Variants in CNTNAP2 observed in about 807,000 individuals in gnomAD.
CNTNAP2 encodes contactin associated protein 2, also known as contactin-associated protein-like 2.
CNTNAP2 carries 98 observed loss-of-function variants against 155.2 expected under a neutral mutation model. That is an observed-to-expected ratio of 0.63 (90% CI 0.54 to 0.75). CNTNAP2 has a LOEUF of 0.75. Ranked by LOEUF, CNTNAP2 falls within the 30% of genes least tolerant of loss-of-function variation. The pLI, the probability that CNTNAP2 is intolerant of heterozygous loss-of-function variation, is 0.00. For synonymous variants in CNTNAP2, 651 were observed against 631.2 expected (o/e 1.03, Z -0.47); for missense variants, 1,727 against 1,688.1 (o/e 1.02, Z -0.40).
intron 3 of CNTNAP2, among the ~76,000 whole-genome samples, chr7:146,930,292 A>T (rs865782833): frequency 4.2e-4 from 64 of 152,020 alleles, no homozygotes; most frequent in South Asian, 6.3e-4. Context: ...TGCAACATTC[A>T]TAAAGAAAAG....
At chr7:146,717,427 T>C (rs1229868076) in intron 1 of CNTNAP2, among the ~76,000 whole-genome samples, 2 of 151,422 alleles carry the variant, frequency 1.3e-5, no homozygotes, top group African/African-American at 4.8e-5. Flanking sequence ...GCATGGAGAA[T>C]TGCTTGAACC....
chr7:148,096,053 A>G (rs965336087), intron 15 of CNTNAP2, among the ~76,000 whole-genome samples: 2 of 152,236 alleles, frequency 1.3e-5, no homozygotes, highest in Non-Finnish European at 2.9e-5. Context: ...TATTTTTACT[A>G]AGTACTTTCC....
In CNTNAP2 at chr7:147,326,940, C is replaced by A. The variant is rs113045325; in HGVS notation, c.1498+26650C>A. On this transcript the variant is annotated intron_variant, in intron 9 of 23. Transcript: ENST00000361727. ...TTTTCAACTTCTAATATAATGGGTA[C>A]TTAATACATGCTGAATGGGTACATG... 1.6e-3 allele frequency among the ~76,000 whole-genome samples: 249 copies of A among 152,258 alleles called. 1 individual carries two copies. Among genetic ancestry groups the A allele is most frequent in the African/African-American group, 5.7e-3 (237 of 41,542 alleles).
chr7:147,933,320 C>A (rs993293663), intron 14 of CNTNAP2, among the ~76,000 whole-genome samples: 6 of 152,030 alleles, frequency 3.9e-5, no homozygotes, highest in East Asian at 1.9e-4. Flanking sequence ...CCACTTCTGG[C>A]CATTTACTCC....
chr7:147,886,554 T>C (rs1184478640), intron 13 of CNTNAP2, among the ~76,000 whole-genome samples: 1 of 147,914 alleles, frequency 6.8e-6, no homozygotes, highest in African/African-American at 2.5e-5. Flanking sequence ...CCATCTCTTG[T>C]ACATCCTCAT....
At chr7:146,570,395 A>T (rs1389383710) in intron 1 of CNTNAP2, among the ~76,000 whole-genome samples, 1 of 152,134 alleles carries the variant, frequency 6.6e-6, no homozygotes, top group Admixed American at 6.5e-5. Context: ...TGCGGAGGTA[A>T]TGCTTAATCT....
At chr7:147,747,367 C>T (rs1483341658) in intron 13 of CNTNAP2, among the ~76,000 whole-genome samples, 1 of 152,162 alleles carries the variant, frequency 6.6e-6, no homozygotes, top group Non-Finnish European at 1.5e-5. Flanking sequence ...TTTTAGGATT[C>T]CAAGTTGATT....
chr7:146,575,734 T>C (rs1424197391), intron 1 of CNTNAP2, among the ~76,000 whole-genome samples: 3 of 152,180 alleles, frequency 2.0e-5, no homozygotes, highest in Non-Finnish European at 4.4e-5. Flanking sequence ...ATTACCAATG[T>C]CTCTAAGGCG....
In CNTNAP2 at chr7:146,796,455, GA is replaced by G. The variant is rs567328508; in HGVS notation, c.208+22077del. ...AGAGTGATGAAATCATCTTGATGCG[GA>G]AACTGAATTTTTTGTCAGCTTCTCC... On this transcript the variant is annotated intron_variant, in intron 2 of 23. Transcript: ENST00000361727. 7.4e-4 allele frequency among the ~76,000 whole-genome samples: 113 copies of G among 152,216 alleles called. 2 individuals carry two copies. The South Asian group carries it at 0.023, about 31-fold the overall frequency.
chr7:147,709,666 A>G (rs1319540084), intron 13 of CNTNAP2, among the ~76,000 whole-genome samples: 1 of 152,146 alleles, frequency 6.6e-6, no homozygotes, highest in East Asian at 1.9e-4. Context: ...CTTGTTTTCA[A>G]GGTTAGAGTC....
At chr7:147,026,389 C>T (rs545307069) in intron 3 of CNTNAP2, among the ~76,000 whole-genome samples, 4 of 152,006 alleles carry the variant, frequency 2.6e-5, no homozygotes, top group Non-Finnish European at 5.9e-5. Flanking sequence ...TTTAGACTAA[C>T]AAAATATTAC....
intron 3 of CNTNAP2, among the ~76,000 whole-genome samples, chr7:146,872,464 A>G (rs560487167): frequency 1.3e-5 from 2 of 152,278 alleles, no homozygotes; most frequent in South Asian, 2.1e-4. Context: ...GTTGGGTTCC[A>G]TGCAACTTAA....
intron 20 of CNTNAP2, among the ~76,000 whole-genome samples, chr7:148,236,286 T>A (rs1182673238): frequency 6.6e-6 from 1 of 152,118 alleles, no homozygotes; most frequent in Non-Finnish European, 1.5e-5. Context: ...AAGGCTTGGG[T>A]GGGAAGTAAA....
intron 20 of CNTNAP2, among the ~76,000 whole-genome samples, chr7:148,245,332 C>G (rs1319060831): frequency 6.6e-6 from 1 of 152,086 alleles, no homozygotes; most frequent in African/African-American, 2.4e-5. Flanking sequence ...AGAGTATGTG[C>G]CGACAGAGTT....
At chr7:147,367,603 T>C (rs766522387) in intron 9 of CNTNAP2, among the ~76,000 whole-genome samples, 3 of 152,102 alleles carry the variant, frequency 2.0e-5, no homozygotes, top group Non-Finnish European at 4.4e-5. Context: ...ATGTGACTCA[T>C]CCACACAACA....
At chr7:148,116,629 A>G (rs1444644739) in intron 15 of CNTNAP2, among the ~76,000 whole-genome samples, 2 of 152,248 alleles carry the variant, frequency 1.3e-5, no homozygotes, top group Non-Finnish European at 2.9e-5. Context: ...TATTCTAGAC[A>G]TTTCTAAAAA....
chr7:147,366,799 A>ACG (rs1158155169), intron 9 of CNTNAP2, among the ~76,000 whole-genome samples: 1 of 142,748 alleles, frequency 7.0e-6, no homozygotes, highest in African/African-American at 2.5e-5. Flanking sequence ...ACACACACAC[A>ACG]CACACACACA....
intron 4 of CNTNAP2, among the ~76,000 whole-genome samples, chr7:147,063,133 A>G (rs775479024): frequency 2.6e-5 from 4 of 152,162 alleles, no homozygotes; most frequent in Non-Finnish European, 5.9e-5. Flanking sequence ...ACTTCCCCAT[A>G]AGGAACTAGT....
chr7:147,516,362 G>A (rs753145371), intron 11 of CNTNAP2, among the ~76,000 whole-genome samples: 171 of 152,044 alleles, frequency 1.1e-3, no homozygotes, highest in Non-Finnish European at 2.2e-3. Context: ...AAGTGTTAAA[G>A]CATTAGTTTA....
Sources: gnomAD v4.1 joint callset for allele counts (sites outside exome capture counted in the v4.1 genomes callset) on GRCh38, gnomAD v4.1.1 for gene constraint, MANE v1.5 for transcripts, NCBI Gene and HGNC (gene_info 2026-07-23, HGNC 2026-07-21) for gene names.